LCORL: variants seen among roughly 807,000 people sequenced by gnomAD.
LCORL encodes the protein ligand dependent nuclear receptor corepressor like.
In LCORL, 41 loss-of-function variants were observed where a neutral mutation model predicts 141.8. The observed-to-expected ratio is 0.29, with a 90% CI of 0.23 to 0.38. The LOEUF (loss-of-function observed/expected upper bound fraction) is 0.38, where lower values mean the gene tolerates loss of function less well. Among genes scored for constraint, LCORL ranks in the 10% least tolerant of loss-of-function variants. LCORL has a pLI of 1.00. For missense variants in LCORL, 1,759 were observed against 2,035.0 expected (o/e 0.86, Z 2.61); for synonymous variants, 618 against 694.1 (o/e 0.89, Z 1.72).
At chr4:17,903,031 C>G (rs183108656) in intron 5 of LCORL, among the ~76,000 whole-genome samples, 3 of 151,972 alleles carry the variant, frequency 2.0e-5, no homozygotes, top group Non-Finnish European at 4.4e-5. Context: ...TATTTTGCAA[C>G]CAAAATGTTT....
chr4:17,885,930 T>TGA (rs1172573347), intron 6 of LCORL, 138 bp downstream of exon 6: 7 of 407,764 alleles, frequency 1.7e-5, no homozygotes, highest in South Asian at 8.9e-5. Context: ...ATGAAAGGTA[T>TGA]GAGAGAGAGA....
At chr4:17,904,089 A>C (rs1334599483) in intron 5 of LCORL, among the ~76,000 whole-genome samples, 1 of 152,036 alleles carries the variant, frequency 6.6e-6, no homozygotes, top group African/African-American at 2.4e-5. Context: ...TTCTTCATAG[A>C]TATGAGCCTA....
chr4:17,884,570 G>A lies in LCORL; in HGVS notation c.776+1498C>T. ...TCGAGTTTTGTTTTTAAAAGATGCA[G>A]GCTTCCCTGCTGGTAAGGCTTCTAA... On this transcript the variant is annotated intron_variant, in intron 6 of 7. Coordinates refer to ENST00000635767, the Ensembl canonical transcript of LCORL. This position sits in a 1 kb window ranked among gnomAD's most constrained non-coding sequence, Gnocchi z 4.4. 1 of 1,539,284 alleles carries A rather than the reference G, an allele frequency of 6.5e-7. No individual in the cohort carries two copies. Among genetic ancestry groups the A allele is most frequent in the African/African-American group, 1.4e-5 (1 of 71,912 alleles).
chr4:17,999,410 C>T (rs1436854264), intron 1 of LCORL, among the ~76,000 whole-genome samples: 5 of 150,926 alleles, frequency 3.3e-5, no homozygotes, highest in African/African-American at 7.3e-5. Flanking sequence ...GCCGAGACTG[C>T]GCCACTGCAC....
intron 7 of LCORL, among the ~76,000 whole-genome samples, chr4:17,854,358 A>G (rs1724114447): frequency 6.6e-6 from 1 of 152,214 alleles, no homozygotes; most frequent in Non-Finnish European, 1.5e-5. Context: ...AATAAATGTG[A>G]GTTAATGTTA....
At chr4:18,003,862 A>G (rs1194371533) in intron 1 of LCORL, among the ~76,000 whole-genome samples, 1 of 152,216 alleles carries the variant, frequency 6.6e-6, no homozygotes, top group Non-Finnish European at 1.5e-5. Context: ...AATACCACAT[A>G]AAGTTACTCA....
At chr4:18,009,613 T>C (rs1050201567) in intron 1 of LCORL, among the ~76,000 whole-genome samples, 26 of 152,084 alleles carry the variant, frequency 1.7e-4, no homozygotes, top group Admixed American at 1.6e-3. Context: ...CAGGCTGCAA[T>C]CCTACATGGG....
chr4:17,866,646 G>GAA (rs1267551846), intron 7 of LCORL, among the ~76,000 whole-genome samples: 1 of 146,896 alleles, frequency 6.8e-6, no homozygotes, highest in African/African-American at 2.5e-5. Flanking sequence ...ACACAAACAA[G>GAA]AAAAAAAAAA....
chr4:17,873,366 A>C, intron 7 of LCORL, 22 bp downstream of exon 7: 1 of 1,229,446 alleles, frequency 8.1e-7, no homozygotes. Flanking sequence ...GAAACTTTAA[A>C]ATTAAGTAGA....
intron 3 of LCORL, 113 bp downstream of exon 3, chr4:17,962,857 A>G: frequency 2.1e-6 from 1 of 470,002 alleles, no homozygotes; most frequent in Non-Finnish European, 3.8e-6. Context: ...CCAAAATCAA[A>G]TACTTAAACT....
chr4:17,991,115 T>G (rs1210328761), intron 1 of LCORL, among the ~76,000 whole-genome samples: 2 of 152,168 alleles, frequency 1.3e-5, no homozygotes. Flanking sequence ...AATTTTTTAA[T>G]AAATAAAAGA....
exon 7 of LCORL, chr4:17,876,376 T>C: frequency 1.6e-6 from 2 of 1,230,874 alleles, no homozygotes; most frequent in Non-Finnish European, 2.0e-6. Context: ...TGTTGGTCTT[T>C]ACCATCAATT....
chr4:17,890,255 T>C (rs1163766043), intron 5 of LCORL, among the ~76,000 whole-genome samples: 1 of 152,114 alleles, frequency 6.6e-6, no homozygotes, highest in Non-Finnish European at 1.5e-5. Context: ...TTGGTGTTGC[T>C]GTGATTTTTA....
chr4:17,858,669 G>A (rs780545726), intron 7 of LCORL, among the ~76,000 whole-genome samples: 5 of 151,604 alleles, frequency 3.3e-5, no homozygotes, highest in Non-Finnish European at 5.9e-5. Flanking sequence ...TGGAGGTTGC[G>A]GTGAGCCAAG....
exon 8 of LCORL, chr4:17,844,425 T>A (rs949484109): frequency 1.6e-4 from 24 of 152,504 alleles, no homozygotes; most frequent in African/African-American, 5.5e-4. Context: ...GCCATTTACT[T>A]AAGGTGAAAT....
rs1259607816 is a variant in LCORL at position 17,887,025 on chromosome 4, T to C, written c.683-864A>G. 3.3e-5 allele frequency among the ~76,000 whole-genome samples: 5 copies of C among 152,166 alleles called. No homozygotes were observed. In the East Asian group the frequency reaches 5.8e-4, roughly 18 times the overall value. ...ATTGAAAAATACATGTTTAAAAATA[T>C]ACTAATTCAACTGGGCTTAAAAAAT... On this transcript the variant is annotated intron_variant, in intron 5 of 7. Transcript: ENST00000635767.
intron 4 of LCORL, among the ~76,000 whole-genome samples, chr4:17,918,599 G>C (rs962819659): frequency 2.0e-5 from 3 of 152,088 alleles, no homozygotes; most frequent in African/African-American, 7.2e-5. Context: ...TGGTAGATTT[G>C]ACCTGGCAGA....
In LCORL at chr4:17,877,213, T is replaced by TA; in HGVS notation, c.1776dup (p.Lys593Ter). The stretch of plus-strand genomic sequence containing the variant: ...TGAATAATTTTATTTTCTACCTTTT[T>TA]ATCATGTTGACTCAATAATTCCATA... On this transcript the variant is annotated frameshift_variant, in exon 7 of 8. Transcript: ENST00000635767. LOFTEE classifies it high-confidence loss of function. 1.6e-6 allele frequency: 2 copies of TA among 1,230,324 alleles called. No individual in the cohort carries two copies. The highest frequency in any genetic ancestry group is 2.0e-6 in the Non-Finnish European group (2 of 986,606). The allele number at this position is 1,230,324 out of a possible 1,614,324, so 76.2% of individuals were successfully genotyped here.
At chr4:18,002,338 G>A (rs1399795948) in intron 1 of LCORL, among the ~76,000 whole-genome samples, 3 of 151,714 alleles carry the variant, frequency 2.0e-5, no homozygotes, top group African/African-American at 4.8e-5. Flanking sequence ...CTGGGTTTTA[G>A]AGTTACTCAA....
Sources: allele counts gnomAD v4.1 joint callset (sites outside exome capture counted in the v4.1 genomes callset), GRCh38; gene constraint gnomAD v4.1.1; non-coding constraint Gnocchi (gnomAD v3.1); transcripts MANE v1.5; gene names NCBI Gene and HGNC (gene_info 2026-07-23, HGNC 2026-07-21).